The following CSNK1G3 variants were observed in gnomAD, a reference collection of about 807,000 sequenced individuals.
CSNK1G3 encodes casein kinase 1 gamma 3.
A neutral mutation model predicts 64.3 loss-of-function variants in CSNK1G3; 23 were observed. The ratio of observed to expected loss-of-function variants is 0.36; its 90% CI spans 0.26 to 0.51. CSNK1G3 has a LOEUF of 0.51. Among genes scored for constraint, CSNK1G3 ranks in the 20% least tolerant of loss-of-function variants. The pLI is 0.96. For synonymous variants in CSNK1G3, 158 were observed against 162.2 expected, an observed-to-expected ratio of 0.97 and a Z score of 0.20; for missense variants, 357 against 510.5, an observed-to-expected ratio of 0.70 and a Z score of 2.90.
intron 1 of CSNK1G3, among the ~76,000 whole-genome samples, chr5:123,526,946 G>A (rs913726934): frequency 3.3e-5 from 5 of 151,814 alleles, no homozygotes; most frequent in African/African-American, 1.2e-4. Context: ...CATATGGCAA[G>A]TGTGTGTTTA....
At chr5:123,575,653 G>T (rs974256022) in intron 5 of CSNK1G3, 76 bp from the exon 6 acceptor site, 8 of 810,704 alleles carry the variant, frequency 9.9e-6, no homozygotes, top group Non-Finnish European at 1.6e-5. Flanking sequence ...TTTTCATTCT[G>T]TCTTGCCTTT....
intron 1 of CSNK1G3, among the ~76,000 whole-genome samples, chr5:123,530,636 A>G (rs1779771736): frequency 6.6e-6 from 1 of 152,220 alleles, no homozygotes; most frequent in South Asian, 2.1e-4. Context: ...CCTGATCCAC[A>G]GTTTGGAGAA....
chr5:123,605,554 C>G (rs1222689817), intron 12 of CSNK1G3, among the ~76,000 whole-genome samples, 192 bp downstream of exon 13: 1 of 152,048 alleles, frequency 6.6e-6, no homozygotes. Flanking sequence ...AGCTCTTTTG[C>G]CTGCTGCAAC....
At chr5:123,525,843 A>G (rs904308780) in intron 1 of CSNK1G3, among the ~76,000 whole-genome samples, 1 of 151,382 alleles carries the variant, frequency 6.6e-6, no homozygotes, top group Non-Finnish European at 1.5e-5. Context: ...AAAACAAACA[A>G]AAAAATTAGT....
chr5:123,584,552 T>A (rs1269429611), intron 6 of CSNK1G3, among the ~76,000 whole-genome samples: 1 of 152,196 alleles, frequency 6.6e-6, no homozygotes, highest in Non-Finnish European at 1.5e-5. Flanking sequence ...TGTTTGTGTT[T>A]ATGAGGAATA....
At chr5:123,519,579 T>C (rs1777743072) in intron 1 of CSNK1G3, among the ~76,000 whole-genome samples, 2 of 152,200 alleles carry the variant, frequency 1.3e-5, no homozygotes, top group Non-Finnish European at 2.9e-5. Flanking sequence ...TTTGATTTCA[T>C]TGATTACTTT....
intron 4 of CSNK1G3, among the ~76,000 whole-genome samples, chr5:123,559,501 A>C (rs7702949): frequency 0.23 from 34,292 of 152,082 alleles, 4,139 homozygotes; most frequent in African/African-American, 0.29. Context: ...AGTGTTGCAC[A>C]ACTGCAGGGA....
intron 10 of CSNK1G3, among the ~76,000 whole-genome samples, chr5:123,601,153 A>G (rs1794426378): frequency 6.6e-6 from 1 of 152,116 alleles, no homozygotes; most frequent in Admixed American, 6.6e-5. Context: ...ACTTTAATAG[A>G]ATTATTCTTT....
intron 10 of CSNK1G3, among the ~76,000 whole-genome samples, chr5:123,594,079 T>C (rs556403191): frequency 3.9e-5 from 6 of 152,154 alleles, no homozygotes; most frequent in Admixed American, 2.0e-4. Flanking sequence ...GGGGAAGTGG[T>C]TAATGTCTCA....
At chr5:123,513,143 C>G (rs1776546516) in intron 1 of CSNK1G3, among the ~76,000 whole-genome samples, 2 of 152,124 alleles carry the variant, frequency 1.3e-5, no homozygotes, top group Non-Finnish European at 2.9e-5. Context: ...AGAGCTTTGA[C>G]TCAGCTCAAA....
chr5:123,555,550 C>T (rs1324962436), intron 3 of CSNK1G3, among the ~76,000 whole-genome samples: 3 of 152,144 alleles, frequency 2.0e-5, no homozygotes, highest in Non-Finnish European at 4.4e-5. Flanking sequence ...GCTTTCACTC[C>T]ATTATCTCTT....
chr5:123,512,631 C>T (rs10054622), intron 1 of CSNK1G3, 61 bp downstream of exon 1: 1 of 147,602 alleles, frequency 6.8e-6, no homozygotes, highest in South Asian at 2.2e-4. Flanking sequence ...TGCCTCGGCG[C>T]GGCCGCGGCG....
At position 123,557,490 on chromosome 5, in the gene CSNK1G3, AT is replaced by A; in HGVS notation, c.220-3del. 6.2e-7 allele frequency: 1 copy of A among 1,604,398 alleles called. No individual in the cohort carries two copies. The highest frequency in any genetic ancestry group is 2.2e-5 in the East Asian group (1 of 44,528). On this transcript the variant is annotated splice_region_variant and splice_polypyrimidine_tract_variant and intron_variant, in intron 3 of 12. Transcript: ENST00000345990. ...AATGTCTTTTTTTGTTTGTTTTTCAATTAGGAGCCCATGAAATCAAGAGCAC... is the reference window on the plus strand; with the variant it reads ...AATGTCTTTTTTTGTTTGTTTTTCAATAGGAGCCCATGAAATCAAGAGCAC...
At chr5:123,558,195 C>T (rs1784986771) in intron 4 of CSNK1G3, among the ~76,000 whole-genome samples, 1 of 152,124 alleles carries the variant, frequency 6.6e-6, no homozygotes, top group African/African-American at 2.4e-5. Flanking sequence ...ACCTCCATAA[C>T]TGTAAAAAAA....
intron 1 of CSNK1G3, among the ~76,000 whole-genome samples, chr5:123,514,946 C>T (rs1442984803): frequency 6.6e-6 from 1 of 151,572 alleles, no homozygotes; most frequent in Non-Finnish European, 1.5e-5. Flanking sequence ...AGTAGGTAGG[C>T]AAATAACGAT....
chr5:123,528,938 C>T (rs989739322), intron 1 of CSNK1G3, among the ~76,000 whole-genome samples: 7 of 152,138 alleles, frequency 4.6e-5, no homozygotes, highest in Admixed American at 1.3e-4. Flanking sequence ...TGTGCGTGTT[C>T]CCAGTTGACG....
intron 10 of CSNK1G3, among the ~76,000 whole-genome samples, chr5:123,599,839 A>T (rs939760774): frequency 5.3e-5 from 8 of 152,042 alleles, no homozygotes; most frequent in Admixed American, 3.9e-4. Flanking sequence ...TCATTGGGGT[A>T]AATCAGCATT....
At chr5:123,595,246 T>C in intron 10 of CSNK1G3, 112 bp downstream of exon 11, 2 of 935,600 alleles carry the variant, frequency 2.1e-6, no homozygotes, top group East Asian at 2.7e-5. Context: ...GTTGCTGAAC[T>C]ACTCTATCCA....
Position 123,523,085 on chromosome 5 carries a change from T to C in CSNK1G3, c.-248+10515T>C, listed in dbSNP as rs187367771. Among the ~76,000 whole-genome samples, 469 of 152,312 alleles carry C rather than the reference T, an allele frequency of 3.1e-3. 7 individuals are homozygous for C. Among genetic ancestry groups the C allele is most frequent in the African/African-American group, 0.011 (453 of 41,556 alleles). On this transcript the variant is annotated intron_variant, in intron 1 of 12. Transcript: ENST00000345990. ...TCATATTTACAATATCATTGAGCTGTATTTTTTATGGAACATCAGGATGGA... is the reference window on the plus strand; with the variant it reads ...TCATATTTACAATATCATTGAGCTGCATTTTTTATGGAACATCAGGATGGA...
Sources: gnomAD v4.1 joint callset for allele counts (sites outside exome capture counted in the v4.1 genomes callset) on GRCh38, gnomAD v4.1.1 for gene constraint, MANE v1.5 for transcripts, NCBI Gene and HGNC (gene_info 2026-07-23, HGNC 2026-07-21) for gene names.